ANKS1B: variants seen among roughly 807,000 people sequenced by gnomAD.
The protein encoded by ANKS1B is ankyrin repeat and sterile alpha motif domain-containing protein 1B.
ANKS1B carries 36 observed loss-of-function variants against 148.3 expected under a neutral mutation model. That is an observed-to-expected ratio of 0.24 (90% CI 0.19 to 0.32). The LOEUF (loss-of-function observed/expected upper bound fraction) is 0.32. Ranked by LOEUF, ANKS1B falls within the 10% of genes least tolerant of loss-of-function variation. ANKS1B has a pLI of 1.00. For missense variants in ANKS1B, 1,157 were observed against 1,542.6 expected (o/e 0.75, Z 4.19); for synonymous variants, 542 against 560.8 (o/e 0.97, Z 0.47).
intron 14 of ANKS1B, among the ~76,000 whole-genome samples, chr12:99,241,197 A>T (rs1475685996): frequency 3.9e-5 from 6 of 152,194 alleles, no homozygotes; most frequent in African/African-American, 1.4e-4. Flanking sequence ...CAGATGCAAT[A>T]AAAAATGATA....
chr12:99,122,223 G>T (rs966993950), intron 15 of ANKS1B, among the ~76,000 whole-genome samples: 10 of 152,074 alleles, frequency 6.6e-5, no homozygotes, highest in Non-Finnish European at 1.2e-4. Flanking sequence ...AGACTTAATA[G>T]ATAAATGTGA....
At chr12:99,719,933 C>T (rs1417652651) in intron 8 of ANKS1B, among the ~76,000 whole-genome samples, 2 of 152,170 alleles carry the variant, frequency 1.3e-5, no homozygotes, top group Non-Finnish European at 2.9e-5. Context: ...TGGCCACTCC[C>T]ACCTACTCCC....
intron 8 of ANKS1B, among the ~76,000 whole-genome samples, chr12:99,728,861 C>T (rs1039567264): frequency 6.6e-6 from 1 of 152,180 alleles, no homozygotes; most frequent in Non-Finnish European, 1.5e-5. Flanking sequence ...AACTAACTAA[C>T]AGGAACAGAA....
chr12:98,984,203 T>G (rs1352132679), intron 17 of ANKS1B, among the ~76,000 whole-genome samples: 1 of 152,196 alleles, frequency 6.6e-6, no homozygotes, highest in Non-Finnish European at 1.5e-5. Context: ...ACTGAGAAGA[T>G]CTGTGAGAAA....
intron 14 of ANKS1B, among the ~76,000 whole-genome samples, chr12:99,160,503 T>A (rs1270114799): frequency 2.2e-5 from 1 of 45,320 alleles, no homozygotes; most frequent in Non-Finnish European, 3.5e-5. Context: ...CACACCAGGC[T>A]ATTTTTTTTT....
At chr12:98,834,923 C>A (rs920906526) in intron 17 of ANKS1B, among the ~76,000 whole-genome samples, 1 of 152,106 alleles carries the variant, frequency 6.6e-6, no homozygotes, top group African/African-American at 2.4e-5. Context: ...TTCTAATTCT[C>A]TTTTATTCTC....
chr12:98,787,104 T>C (rs1168067212), intron 22 of ANKS1B, among the ~76,000 whole-genome samples: 4 of 152,226 alleles, frequency 2.6e-5, no homozygotes, highest in Non-Finnish European at 4.4e-5. Context: ...CAATTATGTT[T>C]GGTAGCCCTA....
intron 17 of ANKS1B, among the ~76,000 whole-genome samples, chr12:98,914,051 A>G (rs1189882919): frequency 6.6e-6 from 1 of 152,148 alleles, no homozygotes; most frequent in East Asian, 1.9e-4. Context: ...TTCCTCTTCA[A>G]ATATCACGCT....
chr12:99,765,261 C>T (rs954833586), intron 8 of ANKS1B, among the ~76,000 whole-genome samples: 8 of 152,110 alleles, frequency 5.3e-5, no homozygotes, highest in East Asian at 1.9e-4. Context: ...TTACACAATG[C>T]CTAGCATGTA....
At chr12:99,377,665 AT>A (rs1471357238) in intron 12 of ANKS1B, among the ~76,000 whole-genome samples, 1 of 152,190 alleles carries the variant, frequency 6.6e-6, no homozygotes, top group Admixed American at 6.5e-5. Flanking sequence ...AAGAGTGTAT[AT>A]TTTCTTCAAG....
chr12:99,259,158 G>A (rs2075648666), intron 12 of ANKS1B, among the ~76,000 whole-genome samples: 1 of 152,182 alleles, frequency 6.6e-6, no homozygotes, highest in South Asian at 2.1e-4. Flanking sequence ...TATGGCATCA[G>A]TACAATGCAC....
intron 1 of ANKS1B, among the ~76,000 whole-genome samples, chr12:99,848,404 A>G (rs1248317355): frequency 6.6e-6 from 1 of 152,156 alleles, no homozygotes; most frequent in Non-Finnish European, 1.5e-5. Context: ...CAAAGAGAAA[A>G]AGCATTAAAT....
chr12:99,888,673 G>A (rs2092946015), intron 1 of ANKS1B, among the ~76,000 whole-genome samples: 1 of 152,074 alleles, frequency 6.6e-6, no homozygotes, highest in Non-Finnish European at 1.5e-5. Context: ...TAACATAAAT[G>A]GGATTCACTA....
chr12:98,973,954 T>C (rs554647775), intron 17 of ANKS1B, among the ~76,000 whole-genome samples: 3 of 152,022 alleles, frequency 2.0e-5, no homozygotes, highest in South Asian at 2.1e-4. Flanking sequence ...ACAGTACATA[T>C]AGGGTTTGGT....
At chr12:99,365,118 T>C (rs1019755253) in intron 12 of ANKS1B, among the ~76,000 whole-genome samples, 3 of 152,044 alleles carry the variant, frequency 2.0e-5, no homozygotes, top group African/African-American at 7.2e-5. Context: ...TGCAGAGGGA[T>C]TGGGGTAAGC....
chr12:99,570,816 C>A (rs2097448130), intron 9 of ANKS1B, among the ~76,000 whole-genome samples: 1 of 151,910 alleles, frequency 6.6e-6, no homozygotes, highest in East Asian at 1.9e-4. Flanking sequence ...AATGTACGTA[C>A]TTTAGAGATC....
intron 11 of ANKS1B, among the ~76,000 whole-genome samples, chr12:99,433,751 A>C (rs915666366): frequency 2.6e-5 from 4 of 152,126 alleles, no homozygotes; most frequent in Admixed American, 2.6e-4. Flanking sequence ...TCAGCACATA[A>C]ACAGCATTGA....
At chr12:99,830,690 T>C (rs189780262) in intron 1 of ANKS1B, among the ~76,000 whole-genome samples, 3 of 150,284 alleles carry the variant, frequency 2.0e-5, no homozygotes, top group Admixed American at 2.0e-4. Flanking sequence ...CCGAGAAATA[T>C]GTTTTAATTA....
chr12:99,309,266 T>C (rs890171926), intron 12 of ANKS1B, among the ~76,000 whole-genome samples: 2 of 152,082 alleles, frequency 1.3e-5, no homozygotes, highest in Non-Finnish European at 2.9e-5. Flanking sequence ...TAAAAATTTA[T>C]CTTCCATTTA....
Sources: gnomAD v4.1 joint callset for allele counts (sites outside exome capture counted in the v4.1 genomes callset) on GRCh38, gnomAD v4.1.1 for gene constraint, MANE v1.5 for transcripts, NCBI Gene and HGNC (gene_info 2026-07-23, HGNC 2026-07-21) for gene names.